UQCC1: variants seen among roughly 807,000 people sequenced by gnomAD.
The protein encoded by UQCC1 is bFGF-repressed Zic-binding protein.
UQCC1 carries 38 observed loss-of-function variants against 48.0 expected under a neutral mutation model. The observed-to-expected ratio is 0.79, with a 90% CI of 0.61 to 1.04. The LOEUF (loss-of-function observed/expected upper bound fraction) is 1.04. UQCC1 is among the 50% of genes least tolerant of loss of function. UQCC1 has a pLI of 0.00. For missense variants in UQCC1, 368 were observed against 381.8 expected (o/e 0.96, Z 0.30); for synonymous variants, 111 against 129.2 (o/e 0.86, Z 0.95).
intron 5 of UQCC1, among the ~76,000 whole-genome samples, chr20:35,369,044 T>C (rs1247610388): frequency 6.6e-6 from 1 of 152,252 alleles, no homozygotes; most frequent in Non-Finnish European, 1.5e-5. Context: ...GAAATTTGGC[T>C]GCTTCTAAAG....
chr20:35,386,743 C>A (rs1037025653), intron 2 of UQCC1, among the ~76,000 whole-genome samples: 2 of 152,030 alleles, frequency 1.3e-5, no homozygotes, highest in African/African-American at 4.8e-5. Flanking sequence ...CCAGTAGATT[C>A]CTTCTGTGGC....
At chr20:35,404,126 A>T (rs1160342162) in intron 1 of UQCC1, among the ~76,000 whole-genome samples, 9 of 152,140 alleles carry the variant, frequency 5.9e-5, no homozygotes, top group Non-Finnish European at 1.0e-4. Flanking sequence ...TCACGCTTGT[A>T]ATCCCAGCAC....
intron 7 of UQCC1, among the ~76,000 whole-genome samples, chr20:35,316,742 C>CG (rs1311124035): frequency 1.3e-5 from 2 of 150,420 alleles, no homozygotes; most frequent in African/African-American, 2.4e-5. Context: ...GGGTTCACAG[C>CG]ATTCTCCTGC....
At chr20:35,323,201 T>C (rs974121930) in intron 7 of UQCC1, among the ~76,000 whole-genome samples, 1 of 152,222 alleles carries the variant, frequency 6.6e-6, no homozygotes, top group African/African-American at 2.4e-5. Context: ...ATGAGTCATA[T>C]GAGAAATGGA....
chr20:35,325,529 C>T (rs1004099477), intron 7 of UQCC1, among the ~76,000 whole-genome samples: 1 of 152,100 alleles, frequency 6.6e-6, no homozygotes, highest in African/African-American at 2.4e-5. Flanking sequence ...GGTCTTGGTA[C>T]AGAATTCTAC....
At chr20:35,355,920 A>G (rs2061542191) in intron 6 of UQCC1, among the ~76,000 whole-genome samples, 1 of 143,832 alleles carries the variant, frequency 7.0e-6, no homozygotes, top group African/African-American at 2.6e-5. Flanking sequence ...GTCTGGCTCT[A>G]TCACCCAGGC....
chr20:35,391,838 G>C (rs1356286195), intron 2 of UQCC1, among the ~76,000 whole-genome samples: 1 of 152,068 alleles, frequency 6.6e-6, no homozygotes, highest in Non-Finnish European at 1.5e-5. Context: ...TTAACATTAG[G>C]GGAAGCCAGA....
chr20:35,393,491 C>A (rs1260684992), intron 2 of UQCC1, among the ~76,000 whole-genome samples: 1 of 86,970 alleles, frequency 1.1e-5, no homozygotes, highest in Non-Finnish European at 2.3e-5. Flanking sequence ...CACACACACA[C>A]AAACACACAC....
chr20:35,308,967 C>T (rs921337052), intron 8 of UQCC1, among the ~76,000 whole-genome samples: 1 of 152,194 alleles, frequency 6.6e-6, no homozygotes, highest in Non-Finnish European at 1.5e-5. Context: ...CTGCCTGCTT[C>T]GGCCTCCCAA....
At chr20:35,352,979 T>A (rs1233767388) in intron 6 of UQCC1, among the ~76,000 whole-genome samples, 2 of 152,064 alleles carry the variant, frequency 1.3e-5, no homozygotes, top group African/African-American at 4.8e-5. Context: ...TGCGCCCAGC[T>A]CTATGTCTTA....
At chr20:35,373,717 C>A (rs2061761979) in intron 5 of UQCC1, among the ~76,000 whole-genome samples, 1 of 147,090 alleles carries the variant, frequency 6.8e-6, no homozygotes, top group African/African-American at 2.5e-5. Flanking sequence ...ACCATCCAGA[C>A]TGTAAAACAG....
intron 2 of UQCC1, among the ~76,000 whole-genome samples, chr20:35,391,481 A>G (rs1396138037): frequency 6.6e-6 from 1 of 151,804 alleles, no homozygotes; most frequent in Non-Finnish European, 1.5e-5. Flanking sequence ...AAAATCAGCC[A>G]GGTGTCATGG....
At position 35,374,219 on chromosome 20, in the gene UQCC1, C is replaced by G. The variant is rs780336060; in HGVS notation, c.371G>C (p.Cys124Ser). ...TTCCTCGAAGTCAGTTTTCTCCACA[C>G]AGCTAGTATACATGCGCAGGGCCGC... The part of the protein sequence containing the change: ...KIAALRMYTS[C>S]VEKTDFEEFF... The change falls in exon 5 of 10, where the codon TGT becomes TCT. Residue 124 changes from cysteine (C) to serine (S), a missense_variant. Cys to Ser is a moderately radical substitution (Grantham distance 112, BLOSUM62 -1). Coordinates refer to ENST00000374385, the MANE Select transcript of UQCC1 (RefSeq NM_018244.5). 1.6e-5 allele frequency: 25 copies of G among 1,612,872 alleles called. No homozygotes were observed. In the South Asian group the frequency reaches 1.9e-4, roughly 12 times the overall value.
chr20:35,410,309 G>A (rs943217804), intron 1 of UQCC1, among the ~76,000 whole-genome samples: 3 of 151,784 alleles, frequency 2.0e-5, no homozygotes, highest in South Asian at 2.1e-4. Context: ...CGCAGGAGGC[G>A]GATCATGAGG....
At chr20:35,394,447 T>C (rs1027764966) in intron 1 of UQCC1, among the ~76,000 whole-genome samples, 1 of 152,082 alleles carries the variant, frequency 6.6e-6, no homozygotes, top group Admixed American at 6.6e-5. Flanking sequence ...GGAGGCTGGT[T>C]GCCAGAGAAA....
At chr20:35,324,377 A>T (rs2425058) in intron 7 of UQCC1, among the ~76,000 whole-genome samples, 1 of 151,848 alleles carries the variant, frequency 6.6e-6, no homozygotes, top group Non-Finnish European at 1.5e-5. Context: ...CCCAGGCTGG[A>T]GTGCCGTGGC....
chr20:35,357,151 G>A (rs1039053150), intron 6 of UQCC1, among the ~76,000 whole-genome samples: 1 of 152,164 alleles, frequency 6.6e-6, no homozygotes, highest in African/African-American at 2.4e-5. Flanking sequence ...TTGAGAGGTC[G>A]AGGCAGGCAG....
At chr20:35,409,980 AT>A (rs143260854) in intron 1 of UQCC1, 79,030 of 151,100 alleles carry the variant, frequency 0.52, 22,323 homozygotes, top group East Asian at 0.72. Context: ...TAATTTTTGT[AT>A]TTTTAGTAGA....
chr20:35,371,815 G>A (rs1436799305), intron 5 of UQCC1, among the ~76,000 whole-genome samples: 1 of 151,106 alleles, frequency 6.6e-6, no homozygotes, highest in Non-Finnish European at 1.5e-5. Flanking sequence ...TTCAAGACCA[G>A]CCTGGGCAAC....
Sources: gnomAD v4.1 joint callset for allele counts (sites outside exome capture counted in the v4.1 genomes callset) on GRCh38, gnomAD v4.1.1 for gene constraint, MANE v1.5 for transcripts, NCBI Gene and HGNC (gene_info 2026-07-23, HGNC 2026-07-21) for gene names.